CROCC: variants seen among roughly 807,000 people sequenced by gnomAD.
The protein encoded by CROCC is ciliary rootlet coiled-coil, rootletin.
In CROCC, 180 loss-of-function variants were observed where a neutral mutation model predicts 245.2. That is an observed-to-expected ratio of 0.73 (90% CI 0.65 to 0.83). The LOEUF (loss-of-function observed/expected upper bound fraction) is 0.83, where lower values mean the gene tolerates loss of function less well. Ranked by LOEUF, CROCC falls within the 40% of genes least tolerant of loss-of-function variation. CROCC has a pLI of 0.00. For missense variants in CROCC, 2,688 were observed against 2,779.4 expected (o/e 0.97, Z 0.74); for synonymous variants, 1,205 against 1,241.6 (o/e 0.97, Z 0.62).
At chr1:16,937,323 G>A (rs530992955) in intron 9 of CROCC, among the ~76,000 whole-genome samples, 62 of 151,968 alleles carry the variant, frequency 4.1e-4, no homozygotes, top group Middle Eastern at 3.4e-3. Flanking sequence ...TCTGTATTCC[G>A]GCCTGGATGA....
chr1:16,971,384 G>C (rs2076516157), intron 35 of CROCC, 81 bp from the exon 36 acceptor site: 1 of 1,447,104 alleles, frequency 6.9e-7, no homozygotes, highest in African/African-American at 1.4e-5. Context: ...CCGTGTCCCA[G>C]GGAGGTACCT....
chr1:16,965,712 T>C lies in CROCC; in HGVS notation c.4406-11T>C. On this transcript the variant is annotated splice_polypyrimidine_tract_variant and intron_variant, in intron 27 of 36. Transcript: ENST00000375541. Reference sequence around the variant, plus strand: ...TTCTGCATCACTGAGCAAGTCTTCTTTCTCTTCTAGGAAGCGGGGAAGGGC... The same window carrying C: ...TTCTGCATCACTGAGCAAGTCTTCTCTCTCTTCTAGGAAGCGGGGAAGGGC... The C allele has an allele frequency of 6.3e-7, 1 of 1,590,572 alleles. No homozygotes were observed. The highest frequency in any genetic ancestry group is 8.6e-7 in the Non-Finnish European group (1 of 1,160,340).
chr1:16,931,169 C>G (rs1441285259), intron 7 of CROCC, 122 bp from the exon 8 acceptor site: 3 of 821,520 alleles, frequency 3.7e-6, no homozygotes, highest in Non-Finnish European at 6.0e-6. Flanking sequence ...GTGCACAGAC[C>G]CACAGGAAGA....
intron 13 of CROCC, among the ~76,000 whole-genome samples, chr1:16,942,733 G>A (rs1222417905): frequency 1.3e-5 from 2 of 152,414 alleles, no homozygotes; most frequent in East Asian, 3.9e-4. Context: ...AGCTTTCCAT[G>A]CCTGGAAAGG....
At chr1:16,955,912 C>A in intron 24 of CROCC, 85 bp from the exon 25 acceptor site, 1 of 1,500,336 alleles carries the variant, frequency 6.7e-7, no homozygotes, top group Non-Finnish European at 9.0e-7. Flanking sequence ...CTGATCCACT[C>A]CAGAAATTGG....
In CROCC at chr1:16,966,389, G is replaced by C. The variant is rs914597806; in HGVS notation, c.4697-19G>C. 2 of 1,508,504 alleles carry C rather than the reference G, an allele frequency of 1.3e-6. No individual in the cohort carries two copies. The highest frequency in any genetic ancestry group is 2.8e-5 in the African/African-American group (2 of 72,090). The allele number at this position is 1,508,504 out of a possible 1,614,324, so 93.4% of individuals were successfully genotyped here. ...GGGCTGTGCTTGGCCATGCCTGACG[G>C]GGTGGGTGGTGGCTACAGCCCGGCG... On this transcript the variant is annotated intron_variant, in intron 29 of 36. Coordinates refer to ENST00000375541, the MANE Select transcript of CROCC (RefSeq NM_014675.5). The surrounding 1 kb of genome is among the most constrained non-coding windows in gnomAD (Gnocchi z 4.8).
In CROCC at chr1:16,945,567, G is replaced by A; in HGVS notation, c.2097G>A (p.Leu699=). 1.2e-6 allele frequency: 2 copies of A among 1,612,520 alleles called. No homozygotes were observed. Among genetic ancestry groups the A allele is most frequent in the Non-Finnish European group, 1.7e-6 (2 of 1,179,882 alleles). ...LSRATLQRDM[L]QAEKAEVAEA... is the part of the protein sequence containing the mutation. ...GCGCCACACTGCAACGGGACATGCT[G>A]CAGGCCGAGAAGGCCGAGGTGGCCG... Residue 699 remains leucine (L), a synonymous_variant, in exon 15 of 37, where the codon CTG becomes CTA. Coordinates refer to ENST00000375541, the MANE Select transcript of CROCC (RefSeq NM_014675.5).
chr1:16,965,288 A>G (rs1323265459), intron 27 of CROCC, among the ~76,000 whole-genome samples: 1 of 152,152 alleles, frequency 6.6e-6, no homozygotes, highest in African/African-American at 2.4e-5. Context: ...GGCCCTGGGA[A>G]CAGTGGTGGA....
At chr1:16,940,203 T>A (rs984891896) in intron 13 of CROCC, 110 bp downstream of exon 13, 2 of 1,150,248 alleles carry the variant, frequency 1.7e-6, no homozygotes, top group African/African-American at 3.0e-5. Context: ...CGCCACTAGC[T>A]GCATGTGCCT....
rs549033364 is a variant in CROCC at position 16,924,141 on chromosome 1, G to A, written c.197-184G>A. ...TTAGCTGGAGTTGTGTTCACTTTACGTCCAGCTTTGTATCCCCTCCTTGCC... is the reference window on the plus strand; with the variant it reads ...TTAGCTGGAGTTGTGTTCACTTTACATCCAGCTTTGTATCCCCTCCTTGCC... On this transcript the variant is annotated intron_variant, in intron 2 of 36. Coordinates refer to ENST00000375541, the MANE Select transcript of CROCC (RefSeq NM_014675.5). Among the ~76,000 whole-genome samples, 9 of 152,390 alleles carry A rather than the reference G, an allele frequency of 5.9e-5. No individual in the cohort carries two copies. In the East Asian group the frequency reaches 1.5e-3, roughly 26 times the overall value.
At position 16,939,901 on chromosome 1, in the gene CROCC, G is replaced by A. The variant is rs1461968904; in HGVS notation, c.1616G>A (p.Arg539His). The A allele has an allele frequency of 1.2e-6, 2 of 1,612,216 alleles. No homozygotes were observed. Among genetic ancestry groups the A allele is most frequent in the Middle Eastern group, 2.0e-4 (1 of 5,030 alleles). Residue 539 changes from arginine (R) to histidine (H), a missense_variant, in exon 13 of 37, where the codon CGT (arginine) becomes CAT (histidine). Physicochemically the swap from Arg to His is conservative, Grantham distance 29. Around this residue, in one of 9 missense-constraint regions of CROCC, gnomAD observed 972 missense variants for 895.3 expected, o/e 1.09. Coordinates refer to ENST00000375541, the MANE Select transcript of CROCC (RefSeq NM_014675.5). ...TGACCCCCCACACCCCAGGACATGC[G>A]TGGGCGCTATGAGGCAAGCCAGGAC... ...HKRQLQVQDM[R>H]GRYEASQDLL... is the part of the protein sequence containing the mutation.
At chr1:16,946,473 G>A (rs2076049474) in intron 16 of CROCC, 68 bp downstream of exon 16, 2 of 1,573,866 alleles carry the variant, frequency 1.3e-6, no homozygotes, top group African/African-American at 1.3e-5. Flanking sequence ...AGGCACCCCG[G>A]GCCCAGCCCT....
chr1:16,927,179 C>T (rs1342142396), intron 3 of CROCC, among the ~76,000 whole-genome samples: 1 of 152,268 alleles, frequency 6.6e-6, no homozygotes, highest in Non-Finnish European at 1.5e-5. Flanking sequence ...CACAGAAACA[C>T]TCCAATTCAC....
At chr1:16,927,103 C>A (rs572453045) in intron 3 of CROCC, among the ~76,000 whole-genome samples, 17 of 151,872 alleles carry the variant, frequency 1.1e-4, no homozygotes, top group African/African-American at 4.1e-4. Flanking sequence ...ACACTGGGCC[C>A]CACACAGACA....
intron 27 of CROCC, among the ~76,000 whole-genome samples, chr1:16,962,361 G>A (rs1410938193): frequency 2.0e-5 from 3 of 149,598 alleles, no homozygotes; most frequent in East Asian, 2.0e-4. Flanking sequence ...GTGAAACCCC[G>A]TCTCTACTAA....
chr1:16,921,887 TGGG>T, upstream of CROCC: 2 of 945,680 alleles, frequency 2.1e-6, no homozygotes, highest in Non-Finnish European at 3.3e-6. Flanking sequence ...GGTGGTCACA[TGGG>T]GGCGCCGCCG....
chr1:16,969,766 A>G lies in CROCC; in HGVS notation c.5302-19A>G, dbSNP rs1373513795. On this transcript the variant is annotated intron_variant, in intron 32 of 36. Transcript: ENST00000375541. ...AGGGCTCCCAGGCCAGCCAGGCACC[A>G]TCAGCCCCTGTCCCCCAGGAACGGC... The G allele has an allele frequency of 8.1e-6, 13 of 1,608,064 alleles. No individual in the cohort carries two copies. Among genetic ancestry groups the G allele is most frequent in the Non-Finnish European group, 1.1e-5 (13 of 1,177,404 alleles).
intron 11 of CROCC, 88 bp from the exon 12 acceptor site, chr1:16,938,820 GC>G: frequency 3.1e-6 from 4 of 1,282,098 alleles, no homozygotes; most frequent in Non-Finnish European, 3.3e-6. Flanking sequence ...GAATGAGGCA[GC>G]CCCCAGCCTC....
At chr1:16,920,068 A>C (rs1336536263), upstream of CROCC, among the ~76,000 whole-genome samples, 3 of 144,084 alleles carry the variant, frequency 2.1e-5, no homozygotes, top group African/African-American at 7.6e-5. Flanking sequence ...AATTTTTTTT[A>C]TATTTATTTA....
Sources: gnomAD v4.1 joint callset for allele counts (sites outside exome capture counted in the v4.1 genomes callset) on GRCh38, gnomAD v4.1.1 for gene constraint, gnomAD v4.1.1 regional missense constraint, Gnocchi (gnomAD v3.1) non-coding constraint, MANE v1.5 for transcripts, NCBI Gene and HGNC (gene_info 2026-07-23, HGNC 2026-07-21) for gene names.